The following CNTNAP5 variants were observed in gnomAD, a reference collection of about 807,000 sequenced individuals.
CNTNAP5 encodes the protein contactin-associated protein-like 5.
Under a neutral mutation model 150.2 loss-of-function variants are expected in CNTNAP5, and 72 were observed. That is an observed-to-expected ratio of 0.48 (90% CI 0.40 to 0.58). The LOEUF (loss-of-function observed/expected upper bound fraction) is 0.58. CNTNAP5 is among the 20% of genes least tolerant of loss of function. CNTNAP5 has a pLI of 0.00. For missense variants in CNTNAP5, 1,636 were observed against 1,626.2 expected (o/e 1.01, Z -0.10); for synonymous variants, 672 against 619.8 (o/e 1.08, Z -1.25).
At chr2:124,034,526 A>C (rs771485519) in intron 1 of CNTNAP5, among the ~76,000 whole-genome samples, 1 of 152,180 alleles carries the variant, frequency 6.6e-6, no homozygotes, top group Non-Finnish European at 1.5e-5. Context: ...TGGATCCCTC[A>C]CTTAGTTCCT....
Position 124,196,417 on chromosome 2 carries a change from A to G in CNTNAP5, c.83-25288A>G, listed in dbSNP as rs542590720. Among the ~76,000 whole-genome samples, 12 of 152,338 alleles carry G rather than the reference A, an allele frequency of 7.9e-5. No individual in the cohort carries two copies. The South Asian group carries it at 2.5e-3, about 32-fold the overall frequency. On this transcript the variant is annotated intron_variant, in intron 1 of 23. Coordinates refer to ENST00000682447, the MANE Select transcript of CNTNAP5 (RefSeq NM_001367498.1). The stretch of plus-strand genomic sequence containing the variant: ...GAGGGTTAAATGCCCAATTTCAAAA[A>G]TAAGACGTGTACACAGCGATTACAT...
In CNTNAP5 at chr2:124,326,972, C is replaced by CTT. The variant is rs1192969997; in HGVS notation, c.381+84604_381+84605dup. 2.1e-3 allele frequency among the ~76,000 whole-genome samples: 147 copies of CTT among 68,536 alleles called. 10 individuals are homozygous for CTT. The highest frequency in any genetic ancestry group is 3.2e-3 in the Non-Finnish European group (109 of 34,142). The allele number at this position is 68,536 out of a possible 152,430, so 45.0% of individuals were successfully genotyped here. The stretch of plus-strand genomic sequence containing the variant: ...CCTGGGCGACGAGGTTAGATCCTGA[C>CTT]TTTTTTTTTTTTTTTTTTTTTTTTT... On this transcript the variant is annotated intron_variant, in intron 3 of 23. Transcript: ENST00000682447.
chr2:124,894,138 G>GCTTATATTTGGATTTT lies in CNTNAP5; in HGVS notation c.3437-8742_3437-8741insTATATTTGGATTTTCT, dbSNP rs372846692. ...TGACTCCCTTTCCTTTACCAAGAGT[G>GCTTATATTTGGATTTT]CTGTTACTTGTTTTAGAAAGACTTT... On this transcript the variant is annotated intron_variant, in intron 21 of 23. Coordinates refer to ENST00000682447, the MANE Select transcript of CNTNAP5 (RefSeq NM_001367498.1). Among the ~76,000 whole-genome samples, 330 of 152,166 alleles carry GCTTATATTTGGATTTT rather than the reference G, an allele frequency of 2.2e-3. 2 individuals are homozygous for GCTTATATTTGGATTTT. The highest frequency in any genetic ancestry group is 7.6e-3 in the African/African-American group (316 of 41,544).
chr2:124,630,401 A>G (rs1182331082), intron 12 of CNTNAP5, among the ~76,000 whole-genome samples: 1 of 152,232 alleles, frequency 6.6e-6, no homozygotes, highest in Non-Finnish European at 1.5e-5. Context: ...CATCCCTGGC[A>G]TGCAAGGCTT....
At chr2:124,537,995 T>C (rs1311712436) in intron 10 of CNTNAP5, among the ~76,000 whole-genome samples, 3 of 152,086 alleles carry the variant, frequency 2.0e-5, no homozygotes, top group Non-Finnish European at 4.4e-5. Flanking sequence ...TAATCTGACA[T>C]ATTGATGCTG....
chr2:124,159,588 C>T (rs1224143190), intron 1 of CNTNAP5, among the ~76,000 whole-genome samples: 2 of 152,110 alleles, frequency 1.3e-5, no homozygotes, highest in Non-Finnish European at 2.9e-5. Flanking sequence ...GTTATTTAAC[C>T]TTACTAGGTC....
chr2:124,682,148 A>T (rs139900488), intron 13 of CNTNAP5, among the ~76,000 whole-genome samples: 14 of 152,236 alleles, frequency 9.2e-5, no homozygotes, highest in African/African-American at 3.4e-4. Context: ...CGGCATGTAC[A>T]CATCCATGCA....
intron 3 of CNTNAP5, among the ~76,000 whole-genome samples, chr2:124,308,462 T>C (rs905382628): frequency 2.6e-5 from 4 of 152,212 alleles, no homozygotes; most frequent in Admixed American, 2.0e-4. Flanking sequence ...CTAAGAATTT[T>C]ATTGACTATT....
In CNTNAP5 at chr2:124,474,810, C is replaced by T. The variant is rs199953018; in HGVS notation, c.990C>T (p.Ile330=). The part of the protein sequence containing the change: ...TFLKKNFHGC[I]ENLYYNGVNI... ...TAAAGAAAAACTTCCATGGATGCAT[C>T]GAAAACCTTTACTACAATGGAGTAA... The change falls in exon 7 of 24, where the codon ATC becomes ATT. Residue 330 remains isoleucine (I), a synonymous_variant. Transcript: ENST00000682447. 70 of 1,606,304 alleles carry T rather than the reference C, an allele frequency of 4.4e-5. No homozygotes were observed. The highest frequency in any genetic ancestry group is 1.7e-4 in the Middle Eastern group (1 of 6,032).
At chr2:124,463,890 T>A (rs186388898) in intron 6 of CNTNAP5, among the ~76,000 whole-genome samples, 1 of 152,236 alleles carries the variant, frequency 6.6e-6, no homozygotes, top group Admixed American at 6.5e-5. Flanking sequence ...CTTTACCTTG[T>A]GGCTCCAAGG....
intron 4 of CNTNAP5, among the ~76,000 whole-genome samples, chr2:124,419,307 A>C (rs955095396): frequency 1.3e-5 from 2 of 151,994 alleles, no homozygotes; most frequent in Non-Finnish European, 2.9e-5. Flanking sequence ...CTTATTTTTC[A>C]TGCCAATTGT....
intron 1 of CNTNAP5, among the ~76,000 whole-genome samples, chr2:124,053,555 C>A (rs961829220): frequency 1.3e-5 from 2 of 152,148 alleles, no homozygotes; most frequent in African/African-American, 4.8e-5. Context: ...GAACATTTGA[C>A]CTTTCTGAGT....
chr2:124,511,854 G>T (rs1207683335), intron 8 of CNTNAP5, among the ~76,000 whole-genome samples: 1 of 151,720 alleles, frequency 6.6e-6, no homozygotes, highest in African/African-American at 2.4e-5. Context: ...TGCTTGCATG[G>T]TCTTAAAAAG....
At chr2:124,678,806 A>G (rs1012176681) in intron 13 of CNTNAP5, among the ~76,000 whole-genome samples, 2 of 151,906 alleles carry the variant, frequency 1.3e-5, no homozygotes, top group African/African-American at 4.8e-5. Flanking sequence ...ATTGCCTGGT[A>G]GCTTAACTGT....
chr2:124,321,103 C>G (rs1217884015), intron 3 of CNTNAP5, among the ~76,000 whole-genome samples: 1 of 152,032 alleles, frequency 6.6e-6, no homozygotes, highest in Non-Finnish European at 1.5e-5. Context: ...ACAAGCTTAC[C>G]CCATTGTAAG....
rs150387441 is a variant in CNTNAP5, at chr2:124,649,529, C to T, written c.2077+1571C>T. Among the ~76,000 whole-genome samples, 394 of 152,250 alleles carry T rather than the reference C, an allele frequency of 2.6e-3. 1 individual carries two copies. Among genetic ancestry groups the T allele is most frequent in the Non-Finnish European group, 4.4e-3 (300 of 68,012 alleles). ...GGGACTTCTTTTAGGATACGCACTCCGTGATATCAATTTGGCTACACCATT... is the reference window on the plus strand; with the variant it reads ...GGGACTTCTTTTAGGATACGCACTCTGTGATATCAATTTGGCTACACCATT... On this transcript the variant is annotated intron_variant, in intron 13 of 23. Coordinates refer to ENST00000682447, the MANE Select transcript of CNTNAP5 (RefSeq NM_001367498.1).
At chr2:124,129,513 A>G (rs951317952) in intron 1 of CNTNAP5, among the ~76,000 whole-genome samples, 3 of 148,690 alleles carry the variant, frequency 2.0e-5, no homozygotes, top group Non-Finnish European at 3.0e-5. Flanking sequence ...ATTAAGTGGG[A>G]ATAATTTAAA....
At chr2:124,079,885 G>T (rs1333187162) in intron 1 of CNTNAP5, among the ~76,000 whole-genome samples, 1 of 152,152 alleles carries the variant, frequency 6.6e-6, no homozygotes, top group East Asian at 1.9e-4. Flanking sequence ...ATACTAGCCA[G>T]ATATGTTTCA....
At chr2:124,873,056 A>G (rs1301496415) in intron 21 of CNTNAP5, among the ~76,000 whole-genome samples, 2 of 151,994 alleles carry the variant, frequency 1.3e-5, no homozygotes, top group Non-Finnish European at 2.9e-5. Flanking sequence ...ATAAAGAAAA[A>G]ATGTTTAATT....
Sources: allele counts gnomAD v4.1 joint callset (sites outside exome capture counted in the v4.1 genomes callset), GRCh38; gene constraint gnomAD v4.1.1; transcripts MANE v1.5; gene names NCBI Gene and HGNC (gene_info 2026-07-23, HGNC 2026-07-21).